PLEKHA6: variants seen among roughly 807,000 people sequenced by gnomAD.
PLEKHA6 encodes pleckstrin homology domain containing A6.
In PLEKHA6, 60 loss-of-function variants were observed where a neutral mutation model predicts 116.7. That is an observed-to-expected ratio of 0.51 (90% CI 0.42 to 0.64). The LOEUF is 0.64. PLEKHA6 is among the 30% of genes least tolerant of loss of function. The pLI is 0.00. For synonymous variants in PLEKHA6, 489 were observed against 556.1 expected, an observed-to-expected ratio of 0.88 and a Z score of 1.70; for missense variants, 1,338 against 1,422.7, an observed-to-expected ratio of 0.94 and a Z score of 0.96.
chr1:204,264,074 A>G (rs1471968702), intron 6 of PLEKHA6, among the ~76,000 whole-genome samples: 1 of 152,148 alleles, frequency 6.6e-6, no homozygotes, highest in Non-Finnish European at 1.5e-5. Flanking sequence ...CAGTCATCTA[A>G]TATCATAGCT....
At chr1:204,280,551 C>A (rs951572117) in intron 1 of PLEKHA6, 3 of 711,512 alleles carry the variant, frequency 4.2e-6, no homozygotes, top group Non-Finnish European at 3.5e-6. Context: ...CCTGAGGACG[C>A]CTTGGCTTCC....
chr1:204,287,234 CT>C (rs368394401), intron 1 of PLEKHA6, among the ~76,000 whole-genome samples: 4,124 of 143,492 alleles, frequency 0.029, 144 homozygotes, highest in African/African-American at 0.084. Flanking sequence ...CAGTCTCCCT[CT>C]TTTTTTTTTT....
intron 14 of PLEKHA6, 142 bp from the exon 15 acceptor site, chr1:204,245,145 G>C (rs1663459774): frequency 5.2e-6 from 3 of 572,562 alleles, no homozygotes. Flanking sequence ...GGCTACCTGG[G>C]CCTGCCAAAG....
rs544524020 is a variant in PLEKHA6 at position 204,247,245 on chromosome 1, A to G, written c.1920+120T>C. 62 of 627,428 alleles carry G rather than the reference A, an allele frequency of 9.9e-5. No homozygotes were observed. In the East Asian group the frequency reaches 1.7e-3, roughly 17 times the overall value. 38.9% of individuals were successfully genotyped at this position (627,428 alleles called of 1,614,324 possible). A position where few individuals can be genotyped will look rare whatever the true frequency, so the allele number is the denominator to read the frequency against. On this transcript the variant is annotated intron_variant, in intron 13 of 22. Transcript: ENST00000272203. Reference sequence around the variant, plus strand: ...TGAGATGAACCTAAAGCGTCCCATTATCTTCATCCTGAAACTTAGAGTCTG... The same window carrying G: ...TGAGATGAACCTAAAGCGTCCCATTGTCTTCATCCTGAAACTTAGAGTCTG...
At chr1:204,280,801 T>A (rs1210716529) in intron 1 of PLEKHA6, 2 of 156,710 alleles carry the variant, frequency 1.3e-5, no homozygotes, top group Non-Finnish European at 2.8e-5. Context: ...TGCTTCAGCA[T>A]CCTGTCCCAA....
At chr1:204,293,479 C>T (rs1167844458) in intron 1 of PLEKHA6, among the ~76,000 whole-genome samples, 2 of 152,136 alleles carry the variant, frequency 1.3e-5, no homozygotes, top group East Asian at 3.9e-4. Flanking sequence ...TAAAAATTAA[C>T]ATTAAAAACC....
chr1:204,262,357 G>A (rs920724821), intron 6 of PLEKHA6, among the ~76,000 whole-genome samples: 1 of 152,168 alleles, frequency 6.6e-6, no homozygotes, highest in Non-Finnish European at 1.5e-5. Flanking sequence ...GGTCTTCACT[G>A]ATGCATCTAT....
At chr1:204,241,503 A>G (rs768277797) in intron 16 of PLEKHA6, 22 bp from the exon 17 acceptor site, 1 of 1,534,156 alleles carries the variant, frequency 6.5e-7, no homozygotes, top group South Asian at 1.2e-5. Flanking sequence ...CAGAGTAGCC[A>G]GTGGGCCTCA....
At chr1:204,241,950 G>T in intron 15 of PLEKHA6, 136 bp from the exon 16 acceptor site, 1 of 963,002 alleles carries the variant, frequency 1.0e-6, no homozygotes, top group Non-Finnish European at 1.6e-6. Flanking sequence ...TTCTATGTGT[G>T]CCGCCTGGGA....
intron 17 of PLEKHA6, among the ~76,000 whole-genome samples, chr1:204,236,900 G>C (rs980534441): frequency 4.6e-5 from 7 of 152,170 alleles, no homozygotes; most frequent in African/African-American, 1.7e-4. Flanking sequence ...TGAATGAAGG[G>C]GAGGCAGGGT....
chr1:204,366,775 A>C lies in PLEKHA6; in HGVS notation c.218+1024T>G, dbSNP rs190677582. On this transcript the variant is annotated intron_variant, in intron 3 of 4. Transcript: ENST00000564627. Reference sequence around the variant, plus strand: ...GACCCTATCTTAAAAAAAAGAAAAAATAGGTTAGCGGCTAAGCTGATGTAG... The same window carrying C: ...GACCCTATCTTAAAAAAAAGAAAAACTAGGTTAGCGGCTAAGCTGATGTAG... Among the ~76,000 whole-genome samples, 557 of 152,318 alleles carry C rather than the reference A, an allele frequency of 3.7e-3. 2 individuals are homozygous for C. Among genetic ancestry groups the C allele is most frequent in the Non-Finnish European group, 6.5e-3 (441 of 68,026 alleles).
At chr1:204,250,331 G>T (rs1664362814) in intron 10 of PLEKHA6, among the ~76,000 whole-genome samples, 1 of 150,028 alleles carries the variant, frequency 6.7e-6, no homozygotes, top group South Asian at 2.1e-4. Flanking sequence ...GTGGGTGGTA[G>T]ATCAGAAAAG....
intron 1 of PLEKHA6, chr1:204,320,333 T>TGGGG (rs143115743): frequency 5.4e-6 from 1 of 185,522 alleles, no homozygotes; most frequent in East Asian, 1.9e-4. Context: ...GGGGTGAGCA[T>TGGGG]GGGGGGTGCT....
At chr1:204,363,449 A>G (rs12076270), upstream of PLEKHA6, among the ~76,000 whole-genome samples, 326 of 152,204 alleles carry the variant, frequency 2.1e-3, 1 homozygote, top group African/African-American at 7.0e-3. Context: ...CCCTCGGTGG[A>G]GGAGCCGCAG....
At chr1:204,371,093 A>T (rs1572238013) in intron 2 of PLEKHA6, among the ~76,000 whole-genome samples, 1 of 150,450 alleles carries the variant, frequency 6.6e-6, no homozygotes, top group East Asian at 1.9e-4. Context: ...GGCCTCAGTG[A>T]TGCTTGTAAC....
At chr1:204,326,920 T>C in intron 1 of PLEKHA6, 3 of 939,958 alleles carry the variant, frequency 3.2e-6, no homozygotes. Flanking sequence ...AACTGCTCAC[T>C]GCCCAAACCC....
intron 13 of PLEKHA6, 73 bp from the exon 14 acceptor site, chr1:204,245,799 C>G (rs1663575678): frequency 4.8e-6 from 5 of 1,049,238 alleles, no homozygotes; most frequent in Non-Finnish European, 7.3e-6. Context: ...AGCCCAGACC[C>G]CTTGGAACCC....
chr1:204,280,038 G>A (rs540514181), intron 1 of PLEKHA6, among the ~76,000 whole-genome samples: 5 of 152,292 alleles, frequency 3.3e-5, no homozygotes, highest in South Asian at 4.1e-4. Flanking sequence ...TAAGAAGATC[G>A]TGTATGGGGC....
At chr1:204,311,686 A>C (rs1229019608) in intron 1 of PLEKHA6, 5 of 968,646 alleles carry the variant, frequency 5.2e-6, no homozygotes, top group Non-Finnish European at 6.1e-6. Flanking sequence ...AACTGAAAGT[A>C]CCTTTGCTCA....
Sources: allele counts gnomAD v4.1 joint callset (sites outside exome capture counted in the v4.1 genomes callset), GRCh38; gene constraint gnomAD v4.1.1; transcripts MANE v1.5; gene names NCBI Gene and HGNC (gene_info 2026-07-23, HGNC 2026-07-21).